Variants in DYNC2H1 observed in about 807,000 individuals in gnomAD.
The protein encoded by DYNC2H1 is cytoplasmic dynein 2 heavy chain 1.
Under a neutral mutation model 570.0 loss-of-function variants are expected in DYNC2H1, and 410 were observed. That is an observed-to-expected ratio of 0.72 (90% CI 0.66 to 0.78). DYNC2H1 has a LOEUF of 0.78. Ranked by LOEUF, DYNC2H1 falls within the 30% of genes least tolerant of loss-of-function variation. The pLI is 0.00. For missense variants in DYNC2H1, 4,865 were observed against 5,046.4 expected (o/e 0.96, Z 1.09); for synonymous variants, 1,688 against 1,677.6 (o/e 1.01, Z -0.15).
chr11:103,226,267 A>T (rs1863797578), intron 59 of DYNC2H1, among the ~76,000 whole-genome samples: 1 of 150,924 alleles, frequency 6.6e-6, no homozygotes, highest in African/African-American at 2.4e-5. Context: ...GAAGTGGTGA[A>T]AGTGGGCATC....
chr11:103,198,058 A>G lies in DYNC2H1; in HGVS notation c.7834A>G (p.Lys2612Glu), dbSNP rs1862571325. 1 of 1,551,714 alleles carries G rather than the reference A, an allele frequency of 6.4e-7. No homozygotes were observed. The highest frequency in any genetic ancestry group is 8.7e-7 in the Non-Finnish European group (1 of 1,146,730). ...CTCTACTGATCTCAAGGATGTTATT[A>G]AAAAGGTATAATATGAATCATTAAT... ...LNSTDLKDVI[K>E]KGLIHYGRDN... The change falls in exon 48 of 89, where the codon AAA becomes GAA. Residue 2612 changes from lysine (K) to glutamate (E), a missense_variant. This residue lies in a region of DYNC2H1 where 2,401 missense variants were observed against 2,454.6 expected (regional missense o/e 0.98). Transcript: ENST00000375735.
intron 17 of DYNC2H1, among the ~76,000 whole-genome samples, chr11:103,139,732 C>T (rs1591302780): frequency 6.6e-6 from 1 of 151,754 alleles, no homozygotes; most frequent in East Asian, 1.9e-4. Flanking sequence ...CTATTAGGTC[C>T]ACTTGGTGCA....
chr11:103,222,235 C>A, intron 58 of DYNC2H1, 82 bp downstream of exon 58: 7 of 1,006,046 alleles, frequency 7.0e-6, no homozygotes, highest in South Asian at 2.3e-5. Flanking sequence ...TTTGTCATTG[C>A]CAACTGTTTA....
At chr11:103,445,581 T>C (rs1044165899) in intron 85 of DYNC2H1, among the ~76,000 whole-genome samples, 8 of 152,168 alleles carry the variant, frequency 5.3e-5, no homozygotes, top group African/African-American at 1.9e-4. Context: ...GAAGTGGTCA[T>C]ATTTTCATAT....
intron 75 of DYNC2H1, among the ~76,000 whole-genome samples, chr11:103,288,540 A>G (rs1866442041): frequency 6.6e-6 from 1 of 151,632 alleles, no homozygotes; most frequent in Non-Finnish European, 1.5e-5. Context: ...TAGGTTCGCT[A>G]TGAGATTAGA....
At chr11:103,213,006 G>A (rs1863217245) in intron 54 of DYNC2H1, among the ~76,000 whole-genome samples, 3 of 151,678 alleles carry the variant, frequency 2.0e-5, no homozygotes, top group Non-Finnish European at 4.4e-5. Context: ...TTCCTTTTTT[G>A]CCATTACTCT....
In DYNC2H1 at chr11:103,154,550, T is replaced by C. The variant is rs539131390; in HGVS notation, c.3402T>C (p.Tyr1134=). 3 of 1,597,682 alleles carry C rather than the reference T, an allele frequency of 1.9e-6. No homozygotes were observed. The highest frequency in any genetic ancestry group is 4.5e-5 in the East Asian group (2 of 44,352). The change falls in exon 23 of 89, where the codon TAT becomes TAC. Residue 1134 remains tyrosine (Y), a synonymous_variant. Transcript: ENST00000375735. ...GCTGTGCCCAAATTTGGGCCTTTTATGAAGAGTTTCAACAAGGATTTCAGG... is the reference window on the plus strand; with the variant it reads ...GCTGTGCCCAAATTTGGGCCTTTTACGAAGAGTTTCAACAAGGATTTCAGG... The part of the protein sequence containing the change: ...IESCAQIWAF[Y]EEFQQGFQEM...
chr11:103,282,008 G>T, intron 71 of DYNC2H1, 171 bp from the exon 72 acceptor site: 112 of 460,418 alleles, frequency 2.4e-4, no homozygotes, highest in Non-Finnish European at 3.2e-4. Context: ...ATTTTATGTT[G>T]TCACATTAAT....
In DYNC2H1 at chr11:103,461,590, G is replaced by C. The variant is rs1019321480; in HGVS notation, c.12648+5234G>C. 6.6e-6 allele frequency among the ~76,000 whole-genome samples: 1 copy of C among 152,046 alleles called. No individual in the cohort carries two copies. The highest frequency in any genetic ancestry group is 1.9e-4 in the East Asian group (1 of 5,182). On this transcript the variant is annotated intron_variant, in intron 87 of 88. Coordinates refer to ENST00000375735, the MANE Select transcript of DYNC2H1 (RefSeq NM_001377.3). This position sits in a 1 kb window ranked among gnomAD's most constrained non-coding sequence, Gnocchi z 4.8. ...GAGAGGATTGCCCTAGCAACACTTC[G>C]AGTGCTCAGTAGCCATATGCGGTAT...
Position 103,222,069 on chromosome 11 carries a change from C to G in DYNC2H1, c.9147C>G (p.Thr3049=). Residue 3049 remains threonine, a synonymous_variant, in exon 58 of 89, where the codon ACC becomes ACG. Coordinates refer to ENST00000375735, the MANE Select transcript of DYNC2H1 (RefSeq NM_001377.3). ...AKRGVREDIA[T]FDARNISKEI... ...GAGGTGTAAGAGAAGACATAGCAAC[C>G]TTTGATGCCCGAAATATTTCAAAGG... The G allele has an allele frequency of 6.2e-7, 1 of 1,611,240 alleles. No individual in the cohort carries two copies. Among genetic ancestry groups the G allele is most frequent in the South Asian group, 1.1e-5 (1 of 90,536 alleles).
At chr11:103,422,953 A>G (rs1709142) in intron 84 of DYNC2H1, among the ~76,000 whole-genome samples, 1 of 144,670 alleles carries the variant, frequency 6.9e-6, no homozygotes, top group East Asian at 2.1e-4. Flanking sequence ...ATCTCAACCC[A>G]AAAGCTAGGA....
chr11:103,428,740 T>C (rs1013135995), intron 84 of DYNC2H1, among the ~76,000 whole-genome samples: 8 of 152,292 alleles, frequency 5.3e-5, no homozygotes, highest in African/African-American at 1.7e-4. Flanking sequence ...ACAGTATTTG[T>C]CTTTGTGTCC....
chr11:103,232,027 T>C (rs980055485), intron 60 of DYNC2H1, among the ~76,000 whole-genome samples: 5 of 151,974 alleles, frequency 3.3e-5, no homozygotes, highest in African/African-American at 1.2e-4. Context: ...ATGTTAGAAA[T>C]ATAGGAAATA....
chr11:103,452,090 GT>G (rs1302030667), intron 85 of DYNC2H1, among the ~76,000 whole-genome samples: 1 of 151,938 alleles, frequency 6.6e-6, no homozygotes, highest in African/African-American at 2.4e-5. Context: ...AAGTAGCACA[GT>G]TTTAGGTTAG....
At position 103,289,384 on chromosome 11, in the gene DYNC2H1, T is replaced by TG. The variant is rs1866498258; in HGVS notation, c.11095+1780dup. Among the ~76,000 whole-genome samples, 1 of 152,200 alleles carries TG rather than the reference T, an allele frequency of 6.6e-6. No homozygotes were observed. The highest frequency in any genetic ancestry group is 1.5e-5 in the Non-Finnish European group (1 of 68,036). ...CTTCCCAAGGATAGTTCAGCCTACATGCAGGAATGAACAAGGTCAGCTTAA... is the reference window on the plus strand; with the variant it reads ...CTTCCCAAGGATAGTTCAGCCTACATGGCAGGAATGAACAAGGTCAGCTTAA... On this transcript the variant is annotated intron_variant, in intron 75 of 88. Coordinates refer to ENST00000375735, the MANE Select transcript of DYNC2H1 (RefSeq NM_001377.3). The surrounding 1 kb of genome is among the most constrained non-coding windows in gnomAD (Gnocchi z 4.2).
intron 21 of DYNC2H1, among the ~76,000 whole-genome samples, chr11:103,152,805 G>A (rs929220147): frequency 6.6e-6 from 1 of 152,078 alleles, no homozygotes; most frequent in Middle Eastern, 3.2e-3. Context: ...GGTTGGGAGA[G>A]AGAAAAGGAG....
At chr11:103,260,342 G>A (rs192982761) in intron 70 of DYNC2H1, among the ~76,000 whole-genome samples, 16 of 152,278 alleles carry the variant, frequency 1.1e-4, no homozygotes, top group Admixed American at 7.2e-4. Context: ...TGTTCTGTGC[G>A]TTTTAGGATG....
chr11:103,208,778 G>A (rs1317495427), intron 52 of DYNC2H1, among the ~76,000 whole-genome samples: 1 of 151,984 alleles, frequency 6.6e-6, no homozygotes, highest in Non-Finnish European at 1.5e-5. Flanking sequence ...TGAAATATAT[G>A]AGAATATGTA....
intron 12 of DYNC2H1, among the ~76,000 whole-genome samples, chr11:103,125,662 T>C (rs1421815614): frequency 6.6e-6 from 1 of 152,200 alleles, no homozygotes; most frequent in Non-Finnish European, 1.5e-5. Flanking sequence ...TTTCTGTTTC[T>C]AGTCATTTTC....
Sources: allele counts gnomAD v4.1 joint callset (sites outside exome capture counted in the v4.1 genomes callset), GRCh38; gene constraint gnomAD v4.1.1; regional missense constraint gnomAD v4.1.1; non-coding constraint Gnocchi (gnomAD v3.1); transcripts MANE v1.5; gene names NCBI Gene and HGNC (gene_info 2026-07-23, HGNC 2026-07-21).